The following CDHR3 variants were observed in gnomAD, a reference collection of about 807,000 sequenced individuals.
CDHR3 encodes the protein cadherin-related family member 3.
Under a neutral mutation model 86.6 loss-of-function variants are expected in CDHR3, and 79 were observed. The observed-to-expected ratio is 0.91, with a 90% CI of 0.76 to 1.10. The LOEUF is 1.10. CDHR3 is among the 50% of genes least tolerant of loss of function. The probability of loss-of-function intolerance (pLI) is 0.00; values close to 1 mark genes in which losing one functional copy is unlikely to be tolerated. For synonymous variants in CDHR3, 421 were observed against 402.4 expected, an observed-to-expected ratio of 1.05 and a Z score of -0.55; for missense variants, 1,081 against 1,077.6, an observed-to-expected ratio of 1.00 and a Z score of -0.04.
intron 16 of CDHR3, 89 bp from the exon 17 acceptor site, chr7:106,028,462 A>T: frequency 7.1e-7 from 1 of 1,398,746 alleles, no homozygotes; most frequent in Non-Finnish European, 1.0e-6. Flanking sequence ...ATCGAAGCCT[A>T]TTTAGGGGAA....
chr7:105,991,777 G>A (rs781062777), intron 4 of CDHR3, among the ~76,000 whole-genome samples: 2 of 152,174 alleles, frequency 1.3e-5, no homozygotes, highest in Non-Finnish European at 2.9e-5. Context: ...TAAGGATATA[G>A]CAGTGAATAA....
intron 5 of CDHR3, among the ~76,000 whole-genome samples, chr7:105,996,040 C>A (rs1407135385): frequency 6.6e-6 from 1 of 152,044 alleles, no homozygotes; most frequent in Non-Finnish European, 1.5e-5. Flanking sequence ...GGTGAATAGC[C>A]CCTGCAGAAT....
At chr7:105,968,365 A>C (rs1235022856) in intron 1 of CDHR3, among the ~76,000 whole-genome samples, 1 of 150,280 alleles carries the variant, frequency 6.7e-6, no homozygotes, top group Non-Finnish European at 1.5e-5. Context: ...TCTTTTTTTT[A>C]TTTTTTATTT....
chr7:105,994,920 T>C lies in CDHR3; in HGVS notation c.608+75T>C. ...GGAAAACATGAGGGATAGGTCACAG[T>C]GCAACCTGAGGGCAGCTGGGGGGAG... is the stretch of plus-strand genomic sequence containing the variant. On this transcript the variant is annotated intron_variant, in intron 5 of 18. Transcript: ENST00000317716. 3 of 1,243,480 alleles carry C rather than the reference T, an allele frequency of 2.4e-6. No homozygotes were observed. In the South Asian group the frequency reaches 3.9e-5, roughly 16 times the overall value. 77.0% of individuals were successfully genotyped at this position (1,243,480 alleles called of 1,614,324 possible).
rs971392421 is a variant in CDHR3 at position 106,015,949 on chromosome 7, A to G, written c.1350A>G (p.Leu450=). Residue 450 remains leucine (L), a synonymous_variant, in exon 11 of 19, where the codon CTA becomes CTG. Transcript: ENST00000317716. ...TAGATAACGTCTACGTTTATATCCT[A>G]ACAAGCCCAGAAAATGAGTTTCCTC... ...YYKNNVYVYI[L]TSPENEFPLI... 6 of 1,612,554 alleles carry G rather than the reference A, an allele frequency of 3.7e-6. No individual in the cohort carries two copies. Among genetic ancestry groups the G allele is most frequent in the Non-Finnish European group, 5.1e-6 (6 of 1,178,926 alleles).
At chr7:106,014,691 A>G (rs1308365031) in intron 9 of CDHR3, among the ~76,000 whole-genome samples, 1 of 152,194 alleles carries the variant, frequency 6.6e-6, no homozygotes, top group Non-Finnish European at 1.5e-5. Context: ...AAAATATATT[A>G]TAGTACTGTA....
intron 6 of CDHR3, among the ~76,000 whole-genome samples, chr7:106,000,865 C>G (rs1833036927): frequency 7.4e-6 from 1 of 134,562 alleles, no homozygotes; most frequent in African/African-American, 2.9e-5. Context: ...TGGAAAGGTG[C>G]ACGAGTTCTG....
intron 8 of CDHR3, among the ~76,000 whole-genome samples, chr7:106,012,234 A>G (rs1834917927): frequency 6.6e-6 from 1 of 152,200 alleles, no homozygotes; most frequent in South Asian, 2.1e-4. Flanking sequence ...AGAGAAATAT[A>G]TGGTGTACCA....
At chr7:105,965,343 G>A (rs1008519917) in intron 1 of CDHR3, among the ~76,000 whole-genome samples, 4 of 152,048 alleles carry the variant, frequency 2.6e-5, no homozygotes, top group Non-Finnish European at 4.4e-5. Flanking sequence ...GCATGAAGAC[G>A]GGTGCCTATA....
chr7:106,016,608 C>T (rs775128199), intron 11 of CDHR3, among the ~76,000 whole-genome samples: 4 of 152,108 alleles, frequency 2.6e-5, no homozygotes, highest in African/African-American at 7.2e-5. Flanking sequence ...ACTATAAATG[C>T]TCTAGTGTAA....
intron 1 of CDHR3, among the ~76,000 whole-genome samples, chr7:105,972,752 C>T (rs2115628478): frequency 6.6e-6 from 1 of 152,218 alleles, no homozygotes; most frequent in Middle Eastern, 3.4e-3. Context: ...TTTTAAAAAT[C>T]TATTCATATT....
chr7:105,983,639 T>C (rs1830106346), intron 3 of CDHR3, among the ~76,000 whole-genome samples: 1 of 152,124 alleles, frequency 6.6e-6, no homozygotes, highest in Admixed American at 6.5e-5. Flanking sequence ...CCCATCACTG[T>C]GAAAAACTCT....
chr7:106,020,168 C>T (rs1836345223), intron 12 of CDHR3, among the ~76,000 whole-genome samples: 1 of 152,172 alleles, frequency 6.6e-6, no homozygotes, highest in South Asian at 2.1e-4. Flanking sequence ...CTCTGCCATT[C>T]ACTAGCTGAA....
intron 4 of CDHR3, among the ~76,000 whole-genome samples, chr7:105,988,266 A>G (rs969748245): frequency 2.0e-5 from 3 of 152,228 alleles, no homozygotes; most frequent in Non-Finnish European, 4.4e-5. Flanking sequence ...TGATTTTAAA[A>G]ATGCAGATTC....
In CDHR3 at chr7:106,034,158, A is replaced by G. The variant is rs1838720001; in HGVS notation, c.*1461A>G. On this transcript the variant is annotated 3_prime_UTR_variant, in exon 19 of 19. Transcript: ENST00000317716. ...ATCTAGACATAAAACTCAGACTTCC[A>G]CCTGTAGGCATGAGCAATGAACTGG... 6.6e-6 allele frequency among the ~76,000 whole-genome samples: 1 copy of G among 152,126 alleles called. No individual in the cohort carries two copies.
intron 1 of CDHR3, among the ~76,000 whole-genome samples, chr7:105,971,292 G>A (rs947180656): frequency 7.2e-5 from 11 of 152,090 alleles, no homozygotes; most frequent in African/African-American, 2.7e-4. Flanking sequence ...GGGAAGAGAG[G>A]CCACCTGAAA....
At chr7:105,980,607 A>ATTTTTTTTTTTTTTTTTTTTTTTT (rs35517726) in intron 2 of CDHR3, among the ~76,000 whole-genome samples, 1 of 98,524 alleles carries the variant, frequency 1.0e-5, no homozygotes, top group Non-Finnish European at 2.0e-5. Flanking sequence ...TTTTTTTTTA[A>ATTTTTTTTTTTTTTTTTTTTTTTT]TTTTTTTTTT....
intron 14 of CDHR3, 85 bp downstream of exon 14, chr7:106,022,533 T>G: frequency 6.5e-7 from 1 of 1,533,984 alleles, no homozygotes; most frequent in Non-Finnish European, 8.8e-7. Context: ...TGGAGGTATG[T>G]GGGGTGGACT....
chr7:106,015,830 C>A, intron 10 of CDHR3, 97 bp from the exon 11 acceptor site: 1 of 919,106 alleles, frequency 1.1e-6, no homozygotes, highest in Non-Finnish European at 1.7e-6. Context: ...ATCCCCTATG[C>A]GCAAAGCCTG....
Sources: allele counts gnomAD v4.1 joint callset (sites outside exome capture counted in the v4.1 genomes callset), GRCh38; gene constraint gnomAD v4.1.1; transcripts MANE v1.5; gene names NCBI Gene and HGNC (gene_info 2026-07-23, HGNC 2026-07-21).